Variants in POU1F1 observed in about 807,000 individuals in gnomAD.
POU1F1 encodes pituitary-specific positive transcription factor 1.
POU1F1 carries 23 observed loss-of-function variants against 32.3 expected under a neutral mutation model. That is an observed-to-expected ratio of 0.71 (90% CI 0.51 to 1.01). The LOEUF (loss-of-function observed/expected upper bound fraction) is 1.01, where lower values mean the gene tolerates loss of function less well. Among genes scored for constraint, POU1F1 ranks in the 50% least tolerant of loss-of-function variants. The pLI is 0.00. For missense variants in POU1F1, 323 were observed against 341.6 expected, an observed-to-expected ratio of 0.95 and a Z score of 0.43; for synonymous variants, 120 against 115.6, an observed-to-expected ratio of 1.04 and a Z score of -0.25.
At chr3:87,260,252 A>C in intron 5 of POU1F1, 148 bp from the exon 6 acceptor site, 4 of 661,500 alleles carry the variant, frequency 6.0e-6, no homozygotes, top group Non-Finnish European at 1.1e-5. Flanking sequence ...CACTTTAACA[A>C]GGACAAATGT....
At chr3:87,263,125 T>G (rs1443126583) in intron 3 of POU1F1, among the ~76,000 whole-genome samples, 1 of 152,026 alleles carries the variant, frequency 6.6e-6, no homozygotes, top group Non-Finnish European at 1.5e-5. Context: ...AATACACAAT[T>G]TTATGCAATT....
intron 4 of POU1F1, among the ~76,000 whole-genome samples, chr3:87,261,764 C>G (rs957860660): frequency 6.6e-6 from 1 of 151,908 alleles, no homozygotes; most frequent in Non-Finnish European, 1.5e-5. Flanking sequence ...TATAATTTCT[C>G]TAGTATAAAA....
intron 2 of POU1F1, among the ~76,000 whole-genome samples, chr3:87,271,320 G>T (rs1706717307): frequency 6.6e-6 from 1 of 152,134 alleles, no homozygotes; most frequent in African/African-American, 2.4e-5. Flanking sequence ...GAATTCTGAG[G>T]CCAGCTGCAA....
chr3:87,276,575 G>A lies in POU1F1; in HGVS notation c.-113C>T, dbSNP rs1219651417. ...TCTCACTACCTGCATATATACATCA[G>A]GAAGGCTCTGAGGCACCAGGAGGGT... On this transcript the variant is annotated 5_prime_UTR_variant, in exon 1 of 6. Coordinates refer to ENST00000350375, the MANE Select transcript of POU1F1 (RefSeq NM_000306.4). 7 of 1,300,660 alleles carry A rather than the reference G, an allele frequency of 5.4e-6. No homozygotes were observed. The East Asian group carries it at 1.8e-4, about 33-fold the overall frequency. 80.6% of individuals were successfully genotyped at this position (1,300,660 alleles called of 1,614,324 possible).
At chr3:87,265,010 T>C (rs1706590085) in intron 2 of POU1F1, among the ~76,000 whole-genome samples, 1 of 152,106 alleles carries the variant, frequency 6.6e-6, no homozygotes, top group African/African-American at 2.4e-5. Context: ...GATTTCACAA[T>C]ATAAAAACGC....
At chr3:87,275,153 T>G (rs1575983898) in intron 1 of POU1F1, among the ~76,000 whole-genome samples, 1 of 152,138 alleles carries the variant, frequency 6.6e-6, no homozygotes, top group South Asian at 2.1e-4. Context: ...CTATTGTGTC[T>G]TCCAAAAATT....
chr3:87,260,175 G>A, intron 5 of POU1F1, 71 bp from the exon 6 acceptor site: 1 of 1,243,172 alleles, frequency 8.0e-7, no homozygotes, highest in Non-Finnish European at 1.2e-6. Flanking sequence ...TCAAAATTAA[G>A]GTAGGTTGAA....
chr3:87,270,709 T>G (rs1292593206), intron 2 of POU1F1, among the ~76,000 whole-genome samples: 1 of 152,134 alleles, frequency 6.6e-6, no homozygotes, highest in Non-Finnish European at 1.5e-5. Flanking sequence ...GACTTAAGAC[T>G]TCTCAGAAAA....
chr3:87,264,054 T>C (rs1256392446), intron 3 of POU1F1, among the ~76,000 whole-genome samples: 2 of 151,988 alleles, frequency 1.3e-5, no homozygotes, highest in African/African-American at 4.8e-5. Flanking sequence ...TCAAAACTAA[T>C]GTTGAGGTAA....
Position 87,259,831 on chromosome 3 carries a change from T to G in POU1F1, c.*63A>C, listed in dbSNP as rs1369180879. The G allele has an allele frequency of 1.6e-5, 23 of 1,403,032 alleles. No homozygotes were observed. The highest frequency in any genetic ancestry group is 2.3e-5 in the Non-Finnish European group (23 of 995,474). 86.9% of individuals were successfully genotyped at this position (1,403,032 alleles called of 1,614,324 possible). Reference sequence around the variant, plus strand: ...TTTTAAGTCAACCAAGTAATTTCTGTTTTTGTTGAGGAAGAGAAAGGAATG... The same window carrying G: ...TTTTAAGTCAACCAAGTAATTTCTGGTTTTGTTGAGGAAGAGAAAGGAATG... On this transcript the variant is annotated 3_prime_UTR_variant, in exon 6 of 6. Coordinates refer to ENST00000350375, the MANE Select transcript of POU1F1 (RefSeq NM_000306.4).
chr3:87,272,214 C>A (rs528314954), intron 2 of POU1F1, among the ~76,000 whole-genome samples: 16 of 151,978 alleles, frequency 1.1e-4, no homozygotes, highest in African/African-American at 3.9e-4. Flanking sequence ...TGCACACGCA[C>A]ACACACATTT....
intron 3 of POU1F1, among the ~76,000 whole-genome samples, chr3:87,263,992 A>T (rs996864447): frequency 2.0e-5 from 3 of 151,986 alleles, no homozygotes; most frequent in Admixed American, 6.6e-5. Flanking sequence ...GAATCATATA[A>T]ATGTATGGCC....
chr3:87,260,633 G>A (rs1173013933), intron 5 of POU1F1, among the ~76,000 whole-genome samples: 1 of 152,088 alleles, frequency 6.6e-6, no homozygotes, highest in African/African-American at 2.4e-5. Flanking sequence ...GATTACTAGT[G>A]TCACATTTTT....
rs1347419040 is a variant in POU1F1 at position 87,276,466 on chromosome 3, C to T, written c.-4G>A. On this transcript the variant is annotated 5_prime_UTR_variant, in exon 1 of 6. Transcript: ENST00000350375. ...AAGTAAAAGCTTGGCAACTCATTCC[C>T]ACAAGAGAGTAGAAAAATAAGGAGA... 4 of 1,613,576 alleles carry T rather than the reference C, an allele frequency of 2.5e-6. No homozygotes were observed. Among genetic ancestry groups the T allele is most frequent in the Non-Finnish European group, 3.4e-6 (4 of 1,179,746 alleles).
At chr3:87,263,352 C>G (rs899938799) in intron 3 of POU1F1, among the ~76,000 whole-genome samples, 1 of 152,066 alleles carries the variant, frequency 6.6e-6, no homozygotes, top group African/African-American at 2.4e-5. Context: ...AAAAGATTAA[C>G]AGCATATTTT....
At chr3:87,260,829 C>T (rs1706495010) in intron 5 of POU1F1, among the ~76,000 whole-genome samples, 1 of 151,282 alleles carries the variant, frequency 6.6e-6, no homozygotes, top group South Asian at 2.1e-4. Context: ...ATTATTAGCT[C>T]TCCATTTCTC....
At chr3:87,274,239 T>G (rs1706785463) in intron 1 of POU1F1, among the ~76,000 whole-genome samples, 1 of 152,142 alleles carries the variant, frequency 6.6e-6, no homozygotes. Flanking sequence ...TCAATGTGTA[T>G]TTTGGAAGTA....
At chr3:87,270,369 C>G (rs968406384) in intron 2 of POU1F1, among the ~76,000 whole-genome samples, 15 of 152,032 alleles carry the variant, frequency 9.9e-5, no homozygotes. Flanking sequence ...TTCATTACTC[C>G]CAATTAGTCA....
intron 1 of POU1F1, 135 bp downstream of exon 1, chr3:87,276,186 T>G: frequency 3.5e-6 from 4 of 1,131,344 alleles, no homozygotes; most frequent in Non-Finnish European, 5.3e-6. Context: ...TGCTTAATGC[T>G]TACTTCACTT....
Sources: gnomAD v4.1 joint callset for allele counts (sites outside exome capture counted in the v4.1 genomes callset) on GRCh38, gnomAD v4.1.1 for gene constraint, MANE v1.5 for transcripts, NCBI Gene and HGNC (gene_info 2026-07-23, HGNC 2026-07-21) for gene names.